Variants in RICTOR observed in about 807,000 individuals in gnomAD.
RICTOR encodes RPTOR independent companion of MTOR complex 2.
Under a neutral mutation model 214.9 loss-of-function variants are expected in RICTOR, and 49 were observed. The ratio of observed to expected loss-of-function variants is 0.23; its 90% CI spans 0.18 to 0.29. The LOEUF (loss-of-function observed/expected upper bound fraction) is 0.29. Ranked by LOEUF, RICTOR falls within the 10% of genes least tolerant of loss-of-function variation. The probability of loss-of-function intolerance (pLI) is 1.00; values close to 1 mark genes in which losing one functional copy is unlikely to be tolerated. For missense variants in RICTOR, 1,625 were observed against 2,047.0 expected, an observed-to-expected ratio of 0.79 and a Z score of 3.98; for synonymous variants, 717 against 711.3, an observed-to-expected ratio of 1.01 and a Z score of -0.13.
intron 17 of RICTOR, 140 bp from the exon 18 acceptor site, chr5:38,962,726 A>G: frequency 1.3e-6 from 1 of 795,110 alleles, no homozygotes; most frequent in Non-Finnish European, 2.0e-6. Context: ...AGTTATAAAA[A>G]CCCATCTCCA....
chr5:38,996,862 C>T lies in RICTOR; in HGVS notation c.413G>A (p.Ser138Asn). The T allele has an allele frequency of 6.2e-7, 1 of 1,610,572 alleles. No homozygotes were observed. Among genetic ancestry groups the T allele is most frequent in the Non-Finnish European group, 8.5e-7 (1 of 1,177,148 alleles). The change falls in exon 6 of 38, where the codon AGC becomes AAC. Residue 138 changes from serine (S) to asparagine (N), a missense_variant. This residue lies in a region of RICTOR where 258 missense variants were observed against 393.7 expected (regional missense o/e 0.66). Coordinates refer to ENST00000357387, the MANE Select transcript of RICTOR (RefSeq NM_152756.5). ...TGCTTGTGTCCTCTCTACCTCGTTG[C>T]TCTGTTGTATGTCAATGCACCTAAA... The part of the protein sequence containing the change: ...LIARCIDIQQ[S>N]NEVERTQALR...
rs911157269 is a variant in RICTOR at position 38,940,775 on chromosome 5, A to C, written c.*1529T>G. On this transcript the variant is annotated 3_prime_UTR_variant, in exon 38 of 38. Coordinates refer to ENST00000357387, the MANE Select transcript of RICTOR (RefSeq NM_152756.5). ...TTCAGTTCCAGTAAATAAATTTTTT[A>C]AAAAAGTATCTCTGTGAGTTATGTT... The C allele has an allele frequency of 8.6e-6, 2 of 232,064 alleles. No homozygotes were observed. The highest frequency in any genetic ancestry group is 1.7e-5 in the Non-Finnish European group (2 of 117,292). The allele number at this position is 232,064 out of a possible 1,614,324, so 14.4% of individuals were successfully genotyped here. A position where few individuals can be genotyped will look rare whatever the true frequency, so the allele number is the denominator to read the frequency against.
At chr5:39,047,056 T>C (rs1336101154) in intron 2 of RICTOR, among the ~76,000 whole-genome samples, 2 of 152,176 alleles carry the variant, frequency 1.3e-5, no homozygotes, top group African/African-American at 2.4e-5. Context: ...TCAAATTAAT[T>C]CATCTTAAAA....
intron 25 of RICTOR, among the ~76,000 whole-genome samples, chr5:38,956,337 T>C (rs1046752776): frequency 7.2e-5 from 11 of 152,080 alleles, no homozygotes; most frequent in Non-Finnish European, 2.9e-5. Flanking sequence ...CCCCACTATA[T>C]ATACAATTGA....
intron 1 of RICTOR, 78 bp downstream of exon 1, chr5:39,074,251 A>C: frequency 1.9e-6 from 3 of 1,578,246 alleles, no homozygotes; most frequent in Non-Finnish European, 2.6e-6. Context: ...CTCGCTCCCC[A>C]ACCCAGGGCC....
Position 38,996,811 on chromosome 5 carries a change from G to A in RICTOR, c.456+8C>T, listed in dbSNP as rs749327724. The A allele has an allele frequency of 1.3e-6, 2 of 1,593,456 alleles. No homozygotes were observed. The highest frequency in any genetic ancestry group is 8.6e-7 in the Non-Finnish European group (1 of 1,162,122). On this transcript the variant is annotated splice_region_variant and intron_variant, in intron 6 of 37. Transcript: ENST00000357387. ...AATTTGCCTTTTACTCTCACACATA[G>A]AGCATACCTTTCTGACTAATCGAAG... is the stretch of plus-strand genomic sequence containing the variant.
At chr5:39,060,803 T>C (rs1758491677) in intron 2 of RICTOR, among the ~76,000 whole-genome samples, 1 of 151,992 alleles carries the variant, frequency 6.6e-6, no homozygotes, top group South Asian at 2.1e-4. Context: ...TGATTTATCT[T>C]ATACATGATG....
At chr5:38,977,181 A>G (rs1751311238) in intron 9 of RICTOR, among the ~76,000 whole-genome samples, 2 of 152,216 alleles carry the variant, frequency 1.3e-5, no homozygotes, top group African/African-American at 4.8e-5. Context: ...GACAGCCAGT[A>G]AAGAAAAAGG....
At chr5:39,027,147 G>C (rs1755890737) in intron 2 of RICTOR, among the ~76,000 whole-genome samples, 1 of 152,110 alleles carries the variant, frequency 6.6e-6, no homozygotes, top group Non-Finnish European at 1.5e-5. Context: ...TATGTTTTTG[G>C]AAGTGAGGAC....
At chr5:38,942,702 C>G (rs948627123) in intron 37 of RICTOR, 131 bp downstream of exon 37, 1 of 703,310 alleles carries the variant, frequency 1.4e-6, no homozygotes, top group African/African-American at 1.8e-5. Flanking sequence ...GCAATTCTCC[C>G]GCGCTGACCC....
Position 39,014,416 on chromosome 5 carries a change from G to C in RICTOR, c.195+6623C>G, listed in dbSNP as rs188598150. Among the ~76,000 whole-genome samples, 610 of 152,126 alleles carry C rather than the reference G, an allele frequency of 4.0e-3. 4 individuals carry two copies. The highest frequency in any genetic ancestry group is 0.01 in the Middle Eastern group (3 of 294). On this transcript the variant is annotated intron_variant, in intron 3 of 37. Coordinates refer to ENST00000357387, the MANE Select transcript of RICTOR (RefSeq NM_152756.5). The stretch of plus-strand genomic sequence containing the variant: ...GGTATTTCTGTCAGAACAGGGAGGT[G>C]GGTGGGAAGGGTATGAAAGGGAAGA...
intron 2 of RICTOR, among the ~76,000 whole-genome samples, chr5:39,042,521 A>G (rs1561054979): frequency 6.6e-6 from 1 of 152,206 alleles, no homozygotes; most frequent in Non-Finnish European, 1.5e-5. Context: ...CTTAAGCTGT[A>G]TGACTCCAAA....
At chr5:39,023,221 A>C (rs1755565065) in intron 2 of RICTOR, among the ~76,000 whole-genome samples, 1 of 152,172 alleles carries the variant, frequency 6.6e-6, no homozygotes, top group Non-Finnish European at 1.5e-5. Flanking sequence ...AAAATGCTTT[A>C]AAAAATACTT....
chr5:38,952,069 C>G, intron 30 of RICTOR, 127 bp downstream of exon 30: 1 of 619,566 alleles, frequency 1.6e-6, no homozygotes, highest in South Asian at 2.0e-5. Context: ...CTCCAAGAGG[C>G]TATTATTGCC....
At chr5:39,029,939 T>A (rs1258175344) in intron 2 of RICTOR, among the ~76,000 whole-genome samples, 1 of 152,196 alleles carries the variant, frequency 6.6e-6, no homozygotes, top group Non-Finnish European at 1.5e-5. Flanking sequence ...TTTAACACAT[T>A]AGTCTATTTA....
chr5:38,983,205 C>A (rs1327702807), intron 7 of RICTOR, among the ~76,000 whole-genome samples: 1 of 152,158 alleles, frequency 6.6e-6, no homozygotes, highest in African/African-American at 2.4e-5. Context: ...AAAAGTACTT[C>A]CCAAACACAC....
chr5:39,014,490 C>G (rs988720984), intron 3 of RICTOR, among the ~76,000 whole-genome samples: 1 of 151,880 alleles, frequency 6.6e-6, no homozygotes, highest in Non-Finnish European at 1.5e-5. Flanking sequence ...ATTTTTTTTA[C>G]TCAGCTTATA....
chr5:39,072,087 T>C (rs115803216), intron 2 of RICTOR, among the ~76,000 whole-genome samples: 6,856 of 152,274 alleles, frequency 0.045, 286 homozygotes, highest in African/African-American at 0.1. Flanking sequence ...CAAACTTCCT[T>C]ATGATTTAGA....
Position 38,958,834 on chromosome 5 carries a change from A to G in RICTOR, c.2179-3T>C, listed in dbSNP as rs762702581. 2 of 1,545,074 alleles carry G rather than the reference A, an allele frequency of 1.3e-6. No homozygotes were observed. The highest frequency in any genetic ancestry group is 1.2e-5 in the South Asian group (1 of 80,136). On this transcript the variant is annotated splice_polypyrimidine_tract_variant and splice_region_variant and intron_variant, in intron 22 of 37. Transcript: ENST00000357387. ...TTTGTTGCATAGAGTCTGCAGGCCT[A>G]TAAGGATAAATGAATACATTAAAAA...
Sources: allele counts gnomAD v4.1 joint callset (sites outside exome capture counted in the v4.1 genomes callset), GRCh38; gene constraint gnomAD v4.1.1; regional missense constraint gnomAD v4.1.1; transcripts MANE v1.5; gene names NCBI Gene and HGNC (gene_info 2026-07-23, HGNC 2026-07-21).